The following ELP1 variants were observed in gnomAD, a reference collection of about 807,000 sequenced individuals.
ELP1 encodes the protein elongator complex protein 1.
ELP1 carries 131 observed loss-of-function variants against 183.2 expected under a neutral mutation model. The ratio of observed to expected loss-of-function variants is 0.72; its 90% CI spans 0.62 to 0.83. ELP1 has a LOEUF of 0.83. ELP1 is among the 40% of genes least tolerant of loss of function. The probability of loss-of-function intolerance (pLI) is 0.00; values close to 1 mark genes in which losing one functional copy is unlikely to be tolerated. For missense variants in ELP1, 1,550 were observed against 1,594.9 expected, an observed-to-expected ratio of 0.97 and a Z score of 0.48; for synonymous variants, 555 against 569.0, an observed-to-expected ratio of 0.98 and a Z score of 0.35.
intron 5 of ELP1, among the ~76,000 whole-genome samples, chr9:108,923,527 A>G (rs1587920866): frequency 6.6e-6 from 1 of 152,186 alleles, no homozygotes; most frequent in African/African-American, 2.4e-5. Flanking sequence ...CCCTCACCTT[A>G]TAAGTAAGAA....
intron 33 of ELP1, 151 bp from the exon 34 acceptor site, chr9:108,878,901 T>C: frequency 1.3e-6 from 1 of 784,650 alleles, no homozygotes; most frequent in South Asian, 1.6e-5. Flanking sequence ...AAATTCAGTT[T>C]GAATATATAA....
At chr9:108,908,467 G>C in intron 12 of ELP1, 63 bp from the exon 13 acceptor site, 1 of 1,213,534 alleles carries the variant, frequency 8.2e-7, no homozygotes, top group Non-Finnish European at 1.2e-6. Context: ...ATACTAAGGG[G>C]ATGGTGTCTG....
At chr9:108,890,768 C>T (rs1026310812) in intron 28 of ELP1, among the ~76,000 whole-genome samples, 1 of 152,222 alleles carries the variant, frequency 6.6e-6, no homozygotes, top group African/African-American at 2.4e-5. Flanking sequence ...TCTTACAGGG[C>T]ACAGCCCATC....
In ELP1 at chr9:108,912,455, T is replaced by C; in HGVS notation, c.998A>G (p.Lys333Arg). The C allele has an allele frequency of 6.2e-7, 1 of 1,614,040 alleles. No individual in the cohort carries two copies. The highest frequency in any genetic ancestry group is 8.5e-7 in the Non-Finnish European group (1 of 1,179,988). Reference sequence around the variant, plus strand: ...ACAGGTGCTGAAGGATAAACTTTGCTTGAGATACCAGTGATAGTTTCCAAC... The same window carrying C: ...ACAGGTGCTGAAGGATAAACTTTGCCTGAGATACCAGTGATAGTTTCCAAC... ...WTVGNYHWYLKQSLSFSTCGK... is the reference protein window; with the variant it reads ...WTVGNYHWYLRQSLSFSTCGK... Residue 333 changes from lysine to arginine, a missense_variant, in exon 11 of 37, where the codon AAG (lysine) becomes AGG (arginine). Physicochemically the swap from Lys to Arg is conservative, Grantham distance 26. Coordinates refer to ENST00000374647, the MANE Select transcript of ELP1 (RefSeq NM_003640.5).
chr9:108,906,539 G>T, intron 13 of ELP1, 54 bp from the exon 14 acceptor site: 1 of 1,478,772 alleles, frequency 6.8e-7, no homozygotes, highest in Non-Finnish European at 9.4e-7. Flanking sequence ...AAAAACCACT[G>T]AGACGTTCCT....
chr9:108,906,192 G>C, intron 14 of ELP1, 111 bp downstream of exon 14: 1 of 1,023,302 alleles, frequency 9.8e-7, no homozygotes, highest in South Asian at 1.3e-5. Flanking sequence ...TAACAAGAAA[G>C]CTACTGCTCC....
rs1827867820 is a variant in ELP1, at chr9:108,880,098, T to G, written c.3414A>C (p.Leu1138Phe). 1 of 1,614,146 alleles carries G rather than the reference T, an allele frequency of 6.2e-7. No homozygotes were observed. The change falls in exon 32 of 37, where the codon TTA becomes TTC. Residue 1138 changes from leucine (L) to phenylalanine (F), a missense_variant. Transcript: ENST00000374647. ...TATFSRHKKR[L>F]LVVRELKEQA... ...GCTCCTTGAGCTCTCGAACTACCAA[T>G]AAACGTTTCTTGTGGCGACTGAATG...
chr9:108,884,638 G>T (rs1298124154), intron 29 of ELP1, among the ~76,000 whole-genome samples: 1 of 152,080 alleles, frequency 6.6e-6, no homozygotes, highest in Non-Finnish European at 1.5e-5. Flanking sequence ...ATAAGCCAAG[G>T]TTCAATAAAG....
intron 31 of ELP1, among the ~76,000 whole-genome samples, chr9:108,881,264 A>C (rs1827920305): frequency 6.6e-6 from 1 of 152,190 alleles, no homozygotes. Context: ...ATGCATACAC[A>C]CATTCATTAA....
intron 10 of ELP1, among the ~76,000 whole-genome samples, chr9:108,913,087 A>C (rs1003264817): frequency 5.3e-5 from 8 of 152,134 alleles, no homozygotes; most frequent in Non-Finnish European, 1.0e-4. Flanking sequence ...CTTTACTTCC[A>C]AACTTTATGA....
chr9:108,922,678 G>C (rs1004579455), intron 6 of ELP1, among the ~76,000 whole-genome samples, 164 bp downstream of exon 6: 1 of 152,160 alleles, frequency 6.6e-6, no homozygotes, highest in Non-Finnish European at 1.5e-5. Flanking sequence ...GGAAAAAAAG[G>C]ATCTTTCTAG....
At position 108,894,569 on chromosome 9, in the gene ELP1, T is replaced by C. The variant is rs1431710154; in HGVS notation, c.2737-503A>G. Among the ~76,000 whole-genome samples the C allele has an allele frequency of 3.7e-4, 56 of 152,248 alleles. 1 individual carries two copies. Among genetic ancestry groups the C allele is most frequent in the Admixed American group, 3.7e-3 (56 of 15,284 alleles). ...CTTTCACATACGGATATTAATAAGT[T>C]ACACTTGGAATAATAGTAACTTCCT... On this transcript the variant is annotated intron_variant, in intron 25 of 36. Coordinates refer to ENST00000374647, the MANE Select transcript of ELP1 (RefSeq NM_003640.5).
chr9:108,897,125 C>T lies in ELP1; in HGVS notation c.2501+23G>A, dbSNP rs753984061. The T allele has an allele frequency of 4.3e-6, 7 of 1,614,090 alleles. No individual in the cohort carries two copies. The South Asian group carries it at 5.5e-5, about 13-fold the overall frequency. The stretch of plus-strand genomic sequence containing the variant: ...ACACACTTCGGTTTTTCAAAGGATG[C>T]CACCTGGTGACAGCATACATACTTA... On this transcript the variant is annotated intron_variant, in intron 23 of 36. Coordinates refer to ENST00000374647, the MANE Select transcript of ELP1 (RefSeq NM_003640.5).
chr9:108,925,610 T>G (rs1263318725), intron 5 of ELP1, among the ~76,000 whole-genome samples: 1 of 152,190 alleles, frequency 6.6e-6, no homozygotes, highest in East Asian at 1.9e-4. Context: ...GTTGGCCTCC[T>G]AGGGGAAATA....
chr9:108,881,010 C>T (rs1035935439), intron 31 of ELP1, among the ~76,000 whole-genome samples: 3 of 152,194 alleles, frequency 2.0e-5, no homozygotes, highest in African/African-American at 7.2e-5. Flanking sequence ...ATAAGTCAAA[C>T]TGATGTCCTT....
chr9:108,926,516 TA>T lies in ELP1; in HGVS notation c.466+6del, dbSNP rs1406671628. The T allele has an allele frequency of 1.1e-5, 17 of 1,607,880 alleles. No homozygotes were observed. Among genetic ancestry groups the T allele is most frequent in the Non-Finnish European group, 1.4e-5 (17 of 1,175,766 alleles). ...GGTCACAAAATATTGCACAAAGCTATACTTACTTTCACCAAAATCATCCTGA... is the reference window on the plus strand; with the variant it reads ...GGTCACAAAATATTGCACAAAGCTATCTTACTTTCACCAAAATCATCCTGA... On this transcript the variant is annotated splice_donor_region_variant and intron_variant, in intron 5 of 36. Coordinates refer to ENST00000374647, the MANE Select transcript of ELP1 (RefSeq NM_003640.5).
chr9:108,925,985 T>C (rs528304675), intron 5 of ELP1, among the ~76,000 whole-genome samples: 13 of 152,266 alleles, frequency 8.5e-5, no homozygotes, highest in African/African-American at 2.9e-4. Context: ...TTCTTCCCCA[T>C]CCCTCTTCAA....
rs1052673919 is a variant in ELP1 at position 108,902,957 on chromosome 9, G to T, written c.1751-15C>A. On this transcript the variant is annotated splice_polypyrimidine_tract_variant and intron_variant, in intron 15 of 36. Transcript: ENST00000374647. ...AGAAGGTGACTCTGCAAGATTCACA[G>T]ATCTAGTTCACAAATAGCTGATGCG... 6.3e-7 allele frequency: 1 copy of T among 1,595,084 alleles called. No individual in the cohort carries two copies. Among genetic ancestry groups the T allele is most frequent in the African/African-American group, 1.3e-5 (1 of 74,674 alleles).
chr9:108,918,045 AAT>A, intron 8 of ELP1, among the ~76,000 whole-genome samples: 2 of 152,346 alleles, frequency 1.3e-5, no homozygotes, highest in Non-Finnish European at 2.9e-5. Flanking sequence ...AACTTCAGCA[AAT>A]ATTCTATGCT....
Sources: gnomAD v4.1 joint callset for allele counts (sites outside exome capture counted in the v4.1 genomes callset) on GRCh38, gnomAD v4.1.1 for gene constraint, MANE v1.5 for transcripts, NCBI Gene and HGNC (gene_info 2026-07-23, HGNC 2026-07-21) for gene names.